The following CNIH3 variants were observed in gnomAD, a reference collection of about 807,000 sequenced individuals.
CNIH3 encodes cornichon family AMPA receptor auxiliary protein 3.
A neutral mutation model predicts 24.1 loss-of-function variants in CNIH3; 14 were observed. The ratio of observed to expected loss-of-function variants is 0.58; its 90% CI spans 0.38 to 0.91. The LOEUF (loss-of-function observed/expected upper bound fraction) is 0.91, where lower values mean the gene tolerates loss of function less well. Ranked by LOEUF, CNIH3 falls within the 40% of genes least tolerant of loss-of-function variation. The pLI, the probability that CNIH3 is intolerant of heterozygous loss-of-function variation, is 0.00. For missense variants in CNIH3, 178 were observed against 196.8 expected, an observed-to-expected ratio of 0.90 and a Z score of 0.57; for synonymous variants, 68 against 73.8, an observed-to-expected ratio of 0.92 and a Z score of 0.40.
At chr1:224,512,608 T>G (rs1043165145), upstream of CNIH3, among the ~76,000 whole-genome samples, 1 of 152,256 alleles carries the variant, frequency 6.6e-6, no homozygotes, top group African/African-American at 2.4e-5. Flanking sequence ...TTAAAAGTAT[T>G]TTTATCTAAC....
At chr1:224,717,039 T>C (rs1306035114) in intron 3 of CNIH3, among the ~76,000 whole-genome samples, 2 of 152,158 alleles carry the variant, frequency 1.3e-5, no homozygotes, top group African/African-American at 4.8e-5. Flanking sequence ...GGCCAGCCTT[T>C]TCCTGCAGCT....
intron 2 of CNIH3, among the ~76,000 whole-genome samples, chr1:224,524,614 G>A (rs1006678555): frequency 1.3e-5 from 2 of 152,180 alleles, no homozygotes; most frequent in Non-Finnish European, 2.9e-5. Flanking sequence ...AAAGTATGTA[G>A]TATAGTTGCA....
At chr1:224,688,135 G>T (rs1364915497) in intron 3 of CNIH3, among the ~76,000 whole-genome samples, 1 of 152,204 alleles carries the variant, frequency 6.6e-6, no homozygotes, top group Non-Finnish European at 1.5e-5. Flanking sequence ...GGGCTATAGG[G>T]CAAGCTGGTT....
At chr1:224,723,496 G>T (rs1257269746) in intron 3 of CNIH3, among the ~76,000 whole-genome samples, 1 of 152,228 alleles carries the variant, frequency 6.6e-6, no homozygotes, top group Non-Finnish European at 1.5e-5. Context: ...GGCCCCATGG[G>T]ATGGAAAAGT....
At chr1:224,546,811 T>A (rs1679720863) in intron 2 of CNIH3, 1 of 697,582 alleles carries the variant, frequency 1.4e-6, no homozygotes, top group African/African-American at 2.0e-5. Context: ...AGTCTGTATC[T>A]CCCTCATTGT....
chr1:224,584,389 G>T (rs899539284), intron 5 of CNIH3, among the ~76,000 whole-genome samples: 5 of 152,226 alleles, frequency 3.3e-5, no homozygotes, highest in Non-Finnish European at 5.9e-5. Context: ...GGACAGCAAG[G>T]CACTTCTTGA....
intron 1 of CNIH3, among the ~76,000 whole-genome samples, chr1:224,441,768 C>T (rs959200518): frequency 1.3e-5 from 2 of 151,988 alleles, no homozygotes; most frequent in Admixed American, 6.6e-5. Flanking sequence ...GAAGGGATCT[C>T]GAGGCTTCTT....
chr1:224,688,925 CAA>C (rs764640865), intron 3 of CNIH3, among the ~76,000 whole-genome samples: 6,051 of 91,106 alleles, frequency 0.066, 181 homozygotes, highest in East Asian at 0.21. Context: ...AGATCTGTCT[CAA>C]AAAAAAAAAA....
At chr1:224,666,368 G>A (rs1685598570) in intron 1 of CNIH3, among the ~76,000 whole-genome samples, 1 of 152,176 alleles carries the variant, frequency 6.6e-6, no homozygotes, top group African/African-American at 2.4e-5. Flanking sequence ...TGTATGCTCT[G>A]GTTGTGCTCT....
intron 1 of CNIH3, among the ~76,000 whole-genome samples, chr1:224,470,721 G>C (rs1459592771): frequency 6.6e-6 from 1 of 151,934 alleles, no homozygotes; most frequent in African/African-American, 2.4e-5. Flanking sequence ...GTCTCCCAAA[G>C]CGCTGGGTTT....
Position 224,563,942 on chromosome 1 carries a change from C to A in CNIH3, n.451-2257C>A, listed in dbSNP as rs139961564. Reference sequence around the variant, plus strand: ...TGCTGAGTGACAACTCCAAATATCTCCCCACAGAGAGGACAGAATCTTAAA... The same window carrying A: ...TGCTGAGTGACAACTCCAAATATCTACCCACAGAGAGGACAGAATCTTAAA... On this transcript the variant is annotated intron_variant and non_coding_transcript_variant, in intron 3 of 5. Coordinates refer to the CNIH3 transcript ENST00000471578. 3.9e-5 allele frequency among the ~76,000 whole-genome samples: 6 copies of A among 152,276 alleles called. No individual in the cohort carries two copies. In the East Asian group the frequency reaches 7.7e-4, roughly 20 times the overall value.
chr1:224,710,479 A>G lies in CNIH3; in HGVS notation c.199-19983A>G, dbSNP rs1688079534. On this transcript the variant is annotated intron_variant, in intron 3 of 5. Coordinates refer to ENST00000272133, the MANE Select transcript of CNIH3 (RefSeq NM_152495.2). ...TGATCTAAGCAAACCTTGATCATAT[A>G]TAATTTCCATACCCAGAAATCTCTG... is the stretch of plus-strand genomic sequence containing the variant. 2.6e-5 allele frequency among the ~76,000 whole-genome samples: 4 copies of G among 152,360 alleles called. No individual in the cohort carries two copies. In the South Asian group the frequency reaches 8.3e-4, roughly 32 times the overall value.
intron 2 of CNIH3, among the ~76,000 whole-genome samples, chr1:224,545,826 G>A (rs576804759): frequency 1.3e-5 from 2 of 152,278 alleles, no homozygotes; most frequent in South Asian, 4.2e-4. Context: ...TAGTGTGCTA[G>A]GGCTGCTGTA....
intron 3 of CNIH3, among the ~76,000 whole-genome samples, chr1:224,548,397 A>T (rs4654047): frequency 0.18 from 26,958 of 151,842 alleles, 2,548 homozygotes; most frequent in South Asian, 0.36. Flanking sequence ...ATTTCTCCTA[A>T]TATCACAGTA....
chr1:224,475,558 G>T (rs1676556039), intron 1 of CNIH3, among the ~76,000 whole-genome samples: 1 of 151,942 alleles, frequency 6.6e-6, no homozygotes, highest in South Asian at 2.1e-4. Context: ...ACCTGAACAG[G>T]CAAATAACAA....
intron 3 of CNIH3, among the ~76,000 whole-genome samples, chr1:224,722,798 C>T (rs1484552354): frequency 6.6e-6 from 1 of 152,176 alleles, no homozygotes; most frequent in Non-Finnish European, 1.5e-5. Context: ...GTGGGAACAG[C>T]CAGGCTGTAG....
intron 3 of CNIH3, among the ~76,000 whole-genome samples, chr1:224,565,131 T>C (rs975340036): frequency 6.6e-6 from 1 of 152,236 alleles, no homozygotes; most frequent in African/African-American, 2.4e-5. Flanking sequence ...GATTTTGCAA[T>C]GCTTGAGGTC....
intron 3 of CNIH3, among the ~76,000 whole-genome samples, chr1:224,606,829 C>T (rs1193833093): frequency 6.6e-6 from 1 of 152,098 alleles, no homozygotes; most frequent in Non-Finnish European, 1.5e-5. Flanking sequence ...AGTGTGGACC[C>T]AGGACCAATG....
At chr1:224,564,614 G>C (rs558835971) in intron 3 of CNIH3, among the ~76,000 whole-genome samples, 1 of 152,232 alleles carries the variant, frequency 6.6e-6, no homozygotes, top group Non-Finnish European at 1.5e-5. Context: ...AAGGGCTGAC[G>C]ATACTTGGAT....
Sources: allele counts gnomAD v4.1 joint callset (sites outside exome capture counted in the v4.1 genomes callset), GRCh38; gene constraint gnomAD v4.1.1; transcripts MANE v1.5; gene names NCBI Gene and HGNC (gene_info 2026-07-23, HGNC 2026-07-21).